PRKCB: variants seen among roughly 807,000 people sequenced by gnomAD.
PRKCB encodes the protein protein kinase C beta type.
PRKCB carries 13 observed loss-of-function variants against 81.5 expected under a neutral mutation model. That is an observed-to-expected ratio of 0.16 (90% confidence interval 0.10 to 0.25). The LOEUF (loss-of-function observed/expected upper bound fraction) is 0.25. Ranked by LOEUF, PRKCB falls within the 10% of genes least tolerant of loss-of-function variation. The probability of loss-of-function intolerance (pLI) is 1.00; values close to 1 mark genes in which losing one functional copy is unlikely to be tolerated. For missense variants in PRKCB, 509 were observed against 875.7 expected, an observed-to-expected ratio of 0.58 and a Z score of 5.29; for synonymous variants, 335 against 321.4, an observed-to-expected ratio of 1.04 and a Z score of -0.45.
At chr16:24,068,414 G>T (rs1161107449) in intron 5 of PRKCB, among the ~76,000 whole-genome samples, 2 of 151,468 alleles carry the variant, frequency 1.3e-5, no homozygotes, top group African/African-American at 4.9e-5. Context: ...CTTCTTAGCA[G>T]GTGCCCTCTG....
At chr16:23,843,133 G>A (rs1962296023) in intron 2 of PRKCB, among the ~76,000 whole-genome samples, 1 of 152,090 alleles carries the variant, frequency 6.6e-6, no homozygotes, top group Admixed American at 6.6e-5. Flanking sequence ...AACAAAAAAT[G>A]AATCAAAAGT....
rs60783634 is a variant in PRKCB at position 24,020,976 on chromosome 16, T to TTCTTTCTTTCTTTCTTTC, written c.289-11159_289-11158insCTTTCTTTCTTTCTTTCT. Reference sequence around the variant, plus strand: ...CATTCAGACTGAGAGAGACTTTTCTTTTTCTTTCTTTCTTTCTTTCTTTCT... The same window carrying TTCTTTCTTTCTTTCTTTC: ...CATTCAGACTGAGAGAGACTTTTCTTTCTTTCTTTCTTTCTTTCTTTCTTTCTTTCTTTCTTTCTTTCT... On this transcript the variant is annotated intron_variant, in intron 3 of 16. Transcript: ENST00000643927. Among the ~76,000 whole-genome samples, 266 of 96,724 alleles carry TTCTTTCTTTCTTTCTTTC rather than the reference T, an allele frequency of 2.8e-3. 9 individuals are homozygous for TTCTTTCTTTCTTTCTTTC. Among genetic ancestry groups the TTCTTTCTTTCTTTCTTTC allele is most frequent in the Admixed American group, 3.9e-3 (33 of 8,372 alleles). 63.5% of individuals were successfully genotyped at this position (96,724 alleles called of 152,430 possible). A position where few individuals can be genotyped will look rare whatever the true frequency, so the allele number is the denominator to read the frequency against.
chr16:24,217,796 G>A lies in PRKCB; in HGVS notation c.*2980G>A. On this transcript the variant is annotated 3_prime_UTR_variant, in exon 17 of 17. Coordinates refer to ENST00000643927, the MANE Select transcript of PRKCB (RefSeq NM_002738.7). ...AAAAAAGGCAGCTTTGTGTCTTCTA[G>A]CTCCAAATATACCTGCCTTTTAGCT... 3.0e-6 allele frequency: 3 copies of A among 985,452 alleles called. No homozygotes were observed. The highest frequency in any genetic ancestry group is 3.6e-6 in the Non-Finnish European group (3 of 829,946). The allele number at this position is 985,452 out of a possible 1,614,324, so 61.0% of individuals were successfully genotyped here.
chr16:23,891,746 G>T (rs543176734), intron 2 of PRKCB, among the ~76,000 whole-genome samples: 1 of 152,176 alleles, frequency 6.6e-6, no homozygotes, highest in Non-Finnish European at 1.5e-5. Context: ...GGGTCATGTT[G>T]CTCTGAAAGG....
intron 2 of PRKCB, among the ~76,000 whole-genome samples, chr16:23,847,468 CCAT>C (rs747610910): frequency 0.17 from 25,654 of 149,644 alleles, 2,652 homozygotes; most frequent in South Asian, 0.3. Context: ...ATCCATCCAT[CCAT>C]CCATCCACCC....
At chr16:24,014,704 T>C (rs1172247167) in intron 3 of PRKCB, among the ~76,000 whole-genome samples, 1 of 152,220 alleles carries the variant, frequency 6.6e-6, no homozygotes, top group East Asian at 1.9e-4. Flanking sequence ...AGTGTATATA[T>C]GATGTGCCAG....
intron 2 of PRKCB, among the ~76,000 whole-genome samples, chr16:23,845,538 C>T (rs574071974): frequency 6.6e-5 from 10 of 152,176 alleles, no homozygotes; most frequent in African/African-American, 9.6e-5. Context: ...CACAGCACTC[C>T]GGAAGGCCAA....
chr16:23,895,958 A>G (rs746995424), intron 2 of PRKCB, among the ~76,000 whole-genome samples: 16 of 151,688 alleles, frequency 1.1e-4, no homozygotes, highest in Non-Finnish European at 1.9e-4. Context: ...CCACCTTTTC[A>G]TTTTCATTTT....
intron 2 of PRKCB, among the ~76,000 whole-genome samples, chr16:23,882,019 T>TCTCTC (rs1414265125): frequency 1.2e-4 from 13 of 106,532 alleles, no homozygotes; most frequent in Non-Finnish European, 1.9e-5. Flanking sequence ...TCTTTCTTTC[T>TCTCTC]TTCTTCCTTC....
Position 24,219,528 on chromosome 16 carries a change from T to C in PRKCB, c.*4712T>C. The C allele has an allele frequency of 5.1e-6, 5 of 988,564 alleles. No individual in the cohort carries two copies. The South Asian group carries it at 1.4e-4, about 28-fold the overall frequency. The allele number at this position is 988,564 out of a possible 1,614,324, so 61.2% of individuals were successfully genotyped here. ...CACCTTTTCAGAGAAAGAGGTCTTCTAGCCACCTGGGCTGCTACTGAATGG... is the reference window on the plus strand; with the variant it reads ...CACCTTTTCAGAGAAAGAGGTCTTCCAGCCACCTGGGCTGCTACTGAATGG... On this transcript the variant is annotated 3_prime_UTR_variant, in exon 17 of 17. Coordinates refer to ENST00000643927, the MANE Select transcript of PRKCB (RefSeq NM_002738.7).
At chr16:23,837,748 T>A (rs1962191988) in intron 2 of PRKCB, among the ~76,000 whole-genome samples, 1 of 152,162 alleles carries the variant, frequency 6.6e-6, no homozygotes, top group African/African-American at 2.4e-5. Flanking sequence ...CCTGTCCTCC[T>A]TAGTTCCCCT....
At chr16:24,086,870 C>A (rs1197806425) in intron 5 of PRKCB, among the ~76,000 whole-genome samples, 2 of 151,862 alleles carry the variant, frequency 1.3e-5, no homozygotes, top group Non-Finnish European at 2.9e-5. Context: ...TTTTACTGTA[C>A]CTTTCTTTTA....
chr16:24,061,923 A>AAC (rs1369974824), intron 5 of PRKCB, among the ~76,000 whole-genome samples: 10 of 149,504 alleles, frequency 6.7e-5, no homozygotes, highest in African/African-American at 9.9e-5. Flanking sequence ...AAAAAAAAAA[A>AAC]AAAAAAAAAA....
intron 2 of PRKCB, among the ~76,000 whole-genome samples, chr16:23,939,175 A>G (rs1964105331): frequency 6.6e-6 from 1 of 152,222 alleles, no homozygotes; most frequent in Non-Finnish European, 1.5e-5. Context: ...TGTAAATCCA[A>G]CAAAACATTT....
intron 2 of PRKCB, among the ~76,000 whole-genome samples, chr16:23,916,722 G>C (rs143773818): frequency 6.6e-6 from 1 of 152,216 alleles, no homozygotes; most frequent in Non-Finnish European, 1.5e-5. Flanking sequence ...ACAATATCCT[G>C]TATCTTGGTG....
chr16:23,932,919 G>A (rs1963998722), intron 2 of PRKCB, among the ~76,000 whole-genome samples: 1 of 152,190 alleles, frequency 6.6e-6, no homozygotes, highest in South Asian at 2.1e-4. Flanking sequence ...AAGGGAATGG[G>A]TTACTGGAAT....
At chr16:23,984,220 T>C (rs1164999894) in intron 2 of PRKCB, among the ~76,000 whole-genome samples, 1 of 152,206 alleles carries the variant, frequency 6.6e-6, no homozygotes, top group African/African-American at 2.4e-5. Context: ...ATTTGTAGAA[T>C]AGTCATGATA....
At chr16:23,868,131 A>G (rs1027929821) in intron 2 of PRKCB, among the ~76,000 whole-genome samples, 4 of 152,176 alleles carry the variant, frequency 2.6e-5, no homozygotes, top group African/African-American at 7.2e-5. Flanking sequence ...CAATGTAGCC[A>G]TGGTCCACAT....
intron 2 of PRKCB, among the ~76,000 whole-genome samples, chr16:23,954,183 A>G (rs1361821564): frequency 6.6e-6 from 1 of 152,080 alleles, no homozygotes; most frequent in Non-Finnish European, 1.5e-5. Context: ...TCCTGACCTC[A>G]GGTGATCTGC....
Sources: gnomAD v4.1 joint callset for allele counts (sites outside exome capture counted in the v4.1 genomes callset) on GRCh38, gnomAD v4.1.1 for gene constraint, MANE v1.5 for transcripts, NCBI Gene and HGNC (gene_info 2026-07-23, HGNC 2026-07-21) for gene names.